The following FAM110B variants were observed in gnomAD, a reference collection of about 807,000 sequenced individuals.
FAM110B encodes family with sequence similarity 110 member B, also known as protein FAM110B.
FAM110B carries 6 observed loss-of-function variants against 20.4 expected under a neutral mutation model. That is an observed-to-expected ratio of 0.29 (90% confidence interval 0.16 to 0.58). The LOEUF is 0.58. FAM110B is among the 20% of genes least tolerant of loss of function. The pLI is 0.90. For synonymous variants in FAM110B, 226 were observed against 214.1 expected, an observed-to-expected ratio of 1.06 and a Z score of -0.49; for missense variants, 434 against 498.2, an observed-to-expected ratio of 0.87 and a Z score of 1.23.
intron 1 of FAM110B, among the ~76,000 whole-genome samples, chr8:58,002,902 G>T (rs1804327982): frequency 6.6e-6 from 1 of 152,260 alleles, no homozygotes; most frequent in Non-Finnish European, 1.5e-5. Flanking sequence ...GGTAGCTGTG[G>T]CAGTTTCTTA....
chr8:58,105,629 T>C (rs999011771), intron 3 of FAM110B, among the ~76,000 whole-genome samples: 4 of 133,884 alleles, frequency 3.0e-5, no homozygotes, highest in Admixed American at 8.6e-5. Context: ...AGTGCAGTGG[T>C]GCGATCTCGG....
intron 3 of FAM110B, among the ~76,000 whole-genome samples, chr8:58,083,012 TAA>T (rs771811665): frequency 9.5e-5 from 13 of 136,914 alleles, no homozygotes; most frequent in East Asian, 2.1e-4. Flanking sequence ...CCCTGATTCT[TAA>T]AAAAAAAAAA....
At chr8:58,110,495 T>G (rs2150618656) in intron 3 of FAM110B, among the ~76,000 whole-genome samples, 1 of 152,304 alleles carries the variant, frequency 6.6e-6, no homozygotes, top group Non-Finnish European at 1.5e-5. Context: ...AAAAATAAAA[T>G]ATTCCACTGA....
intron 2 of FAM110B, among the ~76,000 whole-genome samples, chr8:58,058,893 T>C (rs1045017895): frequency 6.6e-6 from 1 of 152,164 alleles, no homozygotes; most frequent in African/African-American, 2.4e-5. Context: ...ACTCAGGTAA[T>C]CACGCTAATA....
intron 2 of FAM110B, among the ~76,000 whole-genome samples, chr8:58,058,224 T>C (rs1805586379): frequency 6.6e-6 from 1 of 151,958 alleles, no homozygotes; most frequent in South Asian, 2.1e-4. Flanking sequence ...CTTAAAGTCA[T>C]ATAGTGAGGA....
intron 2 of FAM110B, among the ~76,000 whole-genome samples, chr8:58,038,153 G>A (rs1805127253): frequency 6.6e-6 from 1 of 152,184 alleles, no homozygotes; most frequent in South Asian, 2.1e-4. Context: ...CTGAGTGATT[G>A]CTGATGACAT....
chr8:58,066,595 GCACAAGCT>G (rs200278965), intron 2 of FAM110B, among the ~76,000 whole-genome samples: 1,581 of 152,290 alleles, frequency 0.01, 27 homozygotes, highest in African/African-American at 0.035. Context: ...AAAGGAAGGG[GCACAAGCT>G]CCCCGGACTC....
intron 3 of FAM110B, among the ~76,000 whole-genome samples, chr8:58,085,437 C>T (rs181038655): frequency 2.1e-4 from 32 of 152,240 alleles, no homozygotes; most frequent in Admixed American, 1.8e-3. Context: ...TGCTTGAACC[C>T]GGAAGATGGA....
At chr8:58,005,200 G>A (rs928330119) in intron 1 of FAM110B, among the ~76,000 whole-genome samples, 3 of 152,142 alleles carry the variant, frequency 2.0e-5, no homozygotes, top group Non-Finnish European at 2.9e-5. Context: ...TGTCAATATT[G>A]TTGTGTCTGA....
intron 1 of FAM110B, among the ~76,000 whole-genome samples, chr8:58,018,855 TAGAG>T (rs201666557): frequency 1.3e-5 from 2 of 149,252 alleles, no homozygotes; most frequent in Admixed American, 6.7e-5. Context: ...GATAGATAGA[TAGAG>T]AATCACCATC....
chr8:58,089,914 A>G lies in FAM110B; in HGVS notation c.-325+14291A>G, dbSNP rs76547400. Reference sequence around the variant, plus strand: ...GCAGTATGATTTCTGTCCTTCTCATACATTAGCAGGATTCAGTAGCAGACT... The same window carrying G: ...GCAGTATGATTTCTGTCCTTCTCATGCATTAGCAGGATTCAGTAGCAGACT... On this transcript the variant is annotated intron_variant, in intron 3 of 3. Coordinates refer to ENST00000519262, the MANE Select transcript of FAM110B (RefSeq NM_001377989.1). Among the ~76,000 whole-genome samples, 664 of 152,310 alleles carry G rather than the reference A, an allele frequency of 4.4e-3. 4 individuals carry two copies. The highest frequency in any genetic ancestry group is 0.015 in the African/African-American group (616 of 41,562).
At chr8:58,064,792 A>C (rs562104132) in intron 2 of FAM110B, among the ~76,000 whole-genome samples, 1 of 152,224 alleles carries the variant, frequency 6.6e-6, no homozygotes, top group Non-Finnish European at 1.5e-5. Context: ...TAAGTAGTTT[A>C]CAAAAGGTTA....
chr8:58,022,884 G>A (rs1294405282), intron 1 of FAM110B, among the ~76,000 whole-genome samples: 2 of 152,218 alleles, frequency 1.3e-5, no homozygotes, highest in East Asian at 3.8e-4. Flanking sequence ...CTCTCCAGGG[G>A]CAGAAAAACA....
At chr8:58,121,455 C>T (rs1807359331) in intron 3 of FAM110B, among the ~76,000 whole-genome samples, 1 of 152,142 alleles carries the variant, frequency 6.6e-6, no homozygotes, top group South Asian at 2.1e-4. Context: ...CTGTACTGTA[C>T]GGAAAACCTG....
intron 2 of FAM110B, among the ~76,000 whole-genome samples, chr8:58,050,028 G>A (rs1055601003): frequency 6.6e-6 from 1 of 152,124 alleles, no homozygotes; most frequent in Non-Finnish European, 1.5e-5. Context: ...TGTCATTGAT[G>A]TGACATTAAT....
At chr8:58,017,725 C>T (rs1804668599) in intron 1 of FAM110B, among the ~76,000 whole-genome samples, 1 of 152,174 alleles carries the variant, frequency 6.6e-6, no homozygotes, top group Non-Finnish European at 1.5e-5. Flanking sequence ...GCTTCAGTAT[C>T]TTGGAATCAA....
At chr8:58,062,445 T>C (rs1361441112) in intron 2 of FAM110B, among the ~76,000 whole-genome samples, 1 of 152,196 alleles carries the variant, frequency 6.6e-6, no homozygotes, top group Non-Finnish European at 1.5e-5. Flanking sequence ...TAATTTCTAT[T>C]GTGGAACTTA....
chr8:58,131,570 C>T (rs990175814), intron 3 of FAM110B, among the ~76,000 whole-genome samples: 3 of 152,216 alleles, frequency 2.0e-5, no homozygotes, highest in African/African-American at 7.2e-5. Flanking sequence ...TCCTGAAACC[C>T]TGCCAATCAC....
chr8:57,996,114 AGTT>A, intron 1 of FAM110B, among the ~76,000 whole-genome samples: 1 of 152,226 alleles, frequency 6.6e-6, no homozygotes, highest in South Asian at 2.1e-4. Context: ...TATTAAGCAT[AGTT>A]ATTCTAGAAT....
Sources: allele counts gnomAD v4.1 joint callset (sites outside exome capture counted in the v4.1 genomes callset), GRCh38; gene constraint gnomAD v4.1.1; transcripts MANE v1.5; gene names NCBI Gene and HGNC (gene_info 2026-07-23, HGNC 2026-07-21).